Variants in TRPC4 observed in about 807,000 individuals in gnomAD.
The protein encoded by TRPC4 is transient receptor potential cation channel subfamily C member 4, also known as short transient receptor potential channel 4.
In TRPC4, 49 loss-of-function variants were observed where a neutral mutation model predicts 99.4. That is an observed-to-expected ratio of 0.49 (90% CI 0.39 to 0.63). The LOEUF (loss-of-function observed/expected upper bound fraction) is 0.63. TRPC4 is among the 20% of genes least tolerant of loss of function. The pLI, the probability that TRPC4 is intolerant of heterozygous loss-of-function variation, is 0.00. For missense variants in TRPC4, 898 were observed against 1,152.9 expected, an observed-to-expected ratio of 0.78 and a Z score of 3.20; for synonymous variants, 454 against 425.9, an observed-to-expected ratio of 1.07 and a Z score of -0.81.
chr13:37,801,902 A>G lies in TRPC4; in HGVS notation c.-27-18542T>C, dbSNP rs74047186. ...TCATTTTTGGAAGAGAGAATCAACA[A>G]AAGAATAGAACCTTGAAAACTGCAT... is the stretch of plus-strand genomic sequence containing the variant. On this transcript the variant is annotated intron_variant, in intron 1 of 10. Transcript: ENST00000379705. 5.2e-3 allele frequency among the ~76,000 whole-genome samples: 792 copies of G among 152,204 alleles called. 10 individuals carry two copies. The highest frequency in any genetic ancestry group is 0.018 in the African/African-American group (753 of 41,564).
At chr13:37,724,899 G>C (rs1053510680) in intron 3 of TRPC4, among the ~76,000 whole-genome samples, 1 of 152,116 alleles carries the variant, frequency 6.6e-6, no homozygotes, top group Admixed American at 6.5e-5. Context: ...TATAGATGGA[G>C]AAAACGTTAA....
At chr13:37,759,537 A>G (rs1407523228) in intron 2 of TRPC4, among the ~76,000 whole-genome samples, 1 of 151,974 alleles carries the variant, frequency 6.6e-6, no homozygotes, top group African/African-American at 2.4e-5. Flanking sequence ...AAATGTAAAT[A>G]AAAAATCTTA....
Position 37,636,296 on chromosome 13 carries a change from C to T in TRPC4, c.*607G>A, listed in dbSNP as rs751409733. Reference sequence around the variant, plus strand: ...ACTTCTTTTACTTACTGAAAGGAAACCCTGGAACAACCTAAAACACTACAA... The same window carrying T: ...ACTTCTTTTACTTACTGAAAGGAAATCCTGGAACAACCTAAAACACTACAA... On this transcript the variant is annotated 3_prime_UTR_variant, in exon 11 of 11. Coordinates refer to ENST00000379705, the MANE Select transcript of TRPC4 (RefSeq NM_016179.4). Among the ~76,000 whole-genome samples the T allele has an allele frequency of 8.6e-5, 13 of 151,918 alleles. No homozygotes were observed. The highest frequency in any genetic ancestry group is 1.6e-4 in the Non-Finnish European group (11 of 67,988).
intron 4 of TRPC4, among the ~76,000 whole-genome samples, chr13:37,685,526 T>G (rs1953438441): frequency 1.3e-5 from 2 of 152,190 alleles, no homozygotes; most frequent in South Asian, 4.1e-4. Context: ...GTGCCTAATT[T>G]TTTCAGTTTC....
At chr13:37,652,659 T>G (rs1221450061) in intron 7 of TRPC4, among the ~76,000 whole-genome samples, 2 of 628 alleles carry the variant, frequency 3.2e-3, no homozygotes. Flanking sequence ...AGGTTCTGGC[T>G]GATTATGCTG....
chr13:37,673,645 G>A (rs1469269712), intron 5 of TRPC4, among the ~76,000 whole-genome samples: 1 of 152,108 alleles, frequency 6.6e-6, no homozygotes, highest in African/African-American at 2.4e-5. Context: ...AATGTTTTAT[G>A]CAAATTATGA....
chr13:37,784,659 C>A (rs917830558), intron 1 of TRPC4, among the ~76,000 whole-genome samples: 2 of 151,902 alleles, frequency 1.3e-5, no homozygotes, highest in South Asian at 2.1e-4. Context: ...ATCTTTTCAA[C>A]CCTAATCATT....
At chr13:37,675,318 T>C (rs118064185) in intron 4 of TRPC4, among the ~76,000 whole-genome samples, 1,524 of 152,278 alleles carry the variant, frequency 0.01, 12 homozygotes, top group South Asian at 0.026. Flanking sequence ...CTTTAAAATA[T>C]ATGCACGTTC....
At chr13:37,779,340 A>T (rs1956780923) in intron 2 of TRPC4, among the ~76,000 whole-genome samples, 1 of 151,976 alleles carries the variant, frequency 6.6e-6, no homozygotes, top group Non-Finnish European at 1.5e-5. Flanking sequence ...CTATCAGTGC[A>T]ATGATTCCTG....
At chr13:37,771,156 G>T (rs1956541275) in intron 2 of TRPC4, among the ~76,000 whole-genome samples, 1 of 151,726 alleles carries the variant, frequency 6.6e-6, no homozygotes, top group Non-Finnish European at 1.5e-5. Flanking sequence ...AACTGCAGTT[G>T]ATTGCTAATT....
In TRPC4 at chr13:37,712,270, A is replaced by T. The variant is rs556728600; in HGVS notation, c.898-19935T>A. ...GATCCCCACACTGCTTTTCACTATT[A>T]CCCAATGCTACATAGTACAGGGGAT... On this transcript the variant is annotated intron_variant, in intron 3 of 10. Coordinates refer to ENST00000379705, the MANE Select transcript of TRPC4 (RefSeq NM_016179.4). 2.0e-5 allele frequency among the ~76,000 whole-genome samples: 3 copies of T among 152,206 alleles called. No homozygotes were observed. In the East Asian group the frequency reaches 5.8e-4, roughly 29 times the overall value.
intron 2 of TRPC4, among the ~76,000 whole-genome samples, chr13:37,775,717 C>G (rs1396211488): frequency 1.3e-5 from 2 of 151,522 alleles, no homozygotes; most frequent in African/African-American, 4.8e-5. Context: ...AGAGCCTCAT[C>G]CTGTATTTTC....
Position 37,710,270 on chromosome 13 carries a change from C to T in TRPC4, c.898-17935G>A, listed in dbSNP as rs570048012. Among the ~76,000 whole-genome samples the T allele has an allele frequency of 4.0e-5, 6 of 151,882 alleles. No homozygotes were observed. The South Asian group carries it at 6.2e-4, about 16-fold the overall frequency. ...CATTAAGAGATTAATCAATGATCCC[C>T]GGCTTAAGCATAAGACTTGAAGTAT... On this transcript the variant is annotated intron_variant, in intron 3 of 10. Coordinates refer to ENST00000379705, the MANE Select transcript of TRPC4 (RefSeq NM_016179.4).
chr13:37,820,795 T>A (rs2139529214), intron 1 of TRPC4, among the ~76,000 whole-genome samples: 1 of 152,080 alleles, frequency 6.6e-6, no homozygotes, highest in East Asian at 1.9e-4. Context: ...TTCAAAATAA[T>A]AACAGCCATC....
intron 8 of TRPC4, among the ~76,000 whole-genome samples, chr13:37,642,358 G>C (rs1748002640): frequency 6.6e-6 from 1 of 152,148 alleles, no homozygotes; most frequent in Non-Finnish European, 1.5e-5. Context: ...GCTGGCTAGG[G>C]GTTCCAGCCT....
At chr13:37,776,510 T>C (rs1319667) in intron 2 of TRPC4, among the ~76,000 whole-genome samples, 68,643 of 151,610 alleles carry the variant, frequency 0.45, 15,837 homozygotes, top group Middle Eastern at 0.5. Context: ...GTTACACATA[T>C]ATTGAGGCTC....
chr13:37,713,964 C>G (rs1954570418), intron 3 of TRPC4, among the ~76,000 whole-genome samples: 6 of 152,020 alleles, frequency 3.9e-5, no homozygotes, highest in Non-Finnish European at 1.5e-5. Flanking sequence ...CTATGCATTC[C>G]CTTCCTTTAC....
chr13:37,863,936 A>G (rs569162101), intron 1 of TRPC4, among the ~76,000 whole-genome samples: 4 of 151,810 alleles, frequency 2.6e-5, no homozygotes, highest in South Asian at 2.1e-4. Context: ...AAAAATTACA[A>G]TGTGTTATGA....
chr13:37,865,403 A>G (rs898165926), intron 1 of TRPC4, among the ~76,000 whole-genome samples: 11 of 151,654 alleles, frequency 7.3e-5, no homozygotes, highest in African/African-American at 1.7e-4. Flanking sequence ...GCTCATGAGT[A>G]TTTCTAAAAA....
Sources: gnomAD v4.1 joint callset for allele counts (sites outside exome capture counted in the v4.1 genomes callset) on GRCh38, gnomAD v4.1.1 for gene constraint, MANE v1.5 for transcripts, NCBI Gene and HGNC (gene_info 2026-07-23, HGNC 2026-07-21) for gene names.